STK32A: variants seen among roughly 807,000 people sequenced by gnomAD.
STK32A encodes serine/threonine-protein kinase 32A.
STK32A carries 41 observed loss-of-function variants against 53.2 expected under a neutral mutation model. That is an observed-to-expected ratio of 0.77 (90% CI 0.60 to 1.00). The LOEUF (loss-of-function observed/expected upper bound fraction) is 1.00, where lower values mean the gene tolerates loss of function less well. STK32A is among the 50% of genes least tolerant of loss of function. The pLI is 0.00. For missense variants in STK32A, 458 were observed against 485.8 expected (o/e 0.94, Z 0.54); for synonymous variants, 166 against 162.8 (o/e 1.02, Z -0.15).
chr5:147,236,024 T>A (rs1257789894), intron 1 of STK32A, among the ~76,000 whole-genome samples: 2 of 152,158 alleles, frequency 1.3e-5, no homozygotes, highest in Non-Finnish European at 2.9e-5. Flanking sequence ...CAAAATAAGT[T>A]GTGTCTATGC....
intron 4 of STK32A, among the ~76,000 whole-genome samples, chr5:147,287,378 GA>G (rs1215623132): frequency 1.3e-5 from 2 of 151,256 alleles, no homozygotes; most frequent in East Asian, 1.9e-4. Flanking sequence ...TACCAGCAAA[GA>G]AAAAAAAGGG....
At chr5:147,357,326 G>C (rs1756293444) in intron 7 of STK32A, among the ~76,000 whole-genome samples, 1 of 151,812 alleles carries the variant, frequency 6.6e-6, no homozygotes, top group African/African-American at 2.4e-5. Context: ...TCCCAAAAAA[G>C]GTAGGTAAAA....
downstream of STK32A, chr5:147,390,836 C>G (rs908673517): frequency 1.3e-5 from 2 of 152,522 alleles, no homozygotes; most frequent in African/African-American, 4.8e-5. Flanking sequence ...TTTTAATAAC[C>G]AGGTTTACAT....
At chr5:147,397,535 G>T in the STK32A span, 1 of 1,012,462 alleles carries the variant, frequency 9.9e-7, no homozygotes. Flanking sequence ...GTTGTTCTTG[G>T]GGACAAGACT....
intron 2 of STK32A, among the ~76,000 whole-genome samples, chr5:147,249,738 C>T (rs902222796): frequency 6.6e-6 from 1 of 151,536 alleles, no homozygotes; most frequent in Non-Finnish European, 1.5e-5. Context: ...CATGGTGAAA[C>T]CTTGACTCTA....
At chr5:147,270,953 C>G (rs1257392619) in intron 2 of STK32A, among the ~76,000 whole-genome samples, 1 of 151,960 alleles carries the variant, frequency 6.6e-6, no homozygotes, top group African/African-American at 2.4e-5. Flanking sequence ...TAAACAGACA[C>G]AGAAGCCCAT....
chr5:147,254,956 G>T (rs900070321), intron 2 of STK32A, among the ~76,000 whole-genome samples: 1 of 152,126 alleles, frequency 6.6e-6, no homozygotes, highest in African/African-American at 2.4e-5. Flanking sequence ...TGGCTAACAC[G>T]GTGAAACCCC....
the STK32A span, chr5:147,399,263 A>G: frequency 5.6e-6 from 9 of 1,612,836 alleles, no homozygotes; most frequent in African/African-American, 8.0e-5. Flanking sequence ...CTATTGAAAT[A>G]TAAGAAATTA....
Position 147,279,233 on chromosome 5 carries a change from G to A in STK32A, c.109-14G>A, listed in dbSNP as rs1404855870. On this transcript the variant is annotated splice_polypyrimidine_tract_variant and intron_variant, in intron 3 of 12. Transcript: ENST00000397936. Reference sequence around the variant, plus strand: ...TCTCCCTAATCACTCTCTCACTCGGGTTTTCACCATTAGGTCTGCATTGTA... The same window carrying A: ...TCTCCCTAATCACTCTCTCACTCGGATTTTCACCATTAGGTCTGCATTGTA... The A allele has an allele frequency of 1.2e-6, 2 of 1,600,872 alleles. No homozygotes were observed. Among genetic ancestry groups the A allele is most frequent in the South Asian group, 2.2e-5 (2 of 89,290 alleles).
At chr5:147,383,865 TC>T in intron 12 of STK32A, 24 bp from the exon 13 acceptor site, 1 of 1,423,510 alleles carries the variant, frequency 7.0e-7, no homozygotes, top group Non-Finnish European at 9.6e-7. Flanking sequence ...GAATAAAACA[TC>T]TTTTTTTTTC....
At chr5:147,245,255 T>C (rs1209880923) in intron 2 of STK32A, among the ~76,000 whole-genome samples, 6 of 152,214 alleles carry the variant, frequency 3.9e-5, no homozygotes, top group Admixed American at 3.9e-4. Context: ...TAATAAGTAA[T>C]CCCATTTGAT....
At chr5:147,235,593 C>T (rs534348214) in intron 1 of STK32A, among the ~76,000 whole-genome samples, 150 of 152,346 alleles carry the variant, frequency 9.8e-4, no homozygotes, top group African/African-American at 3.5e-3. Flanking sequence ...CTATGCAGCA[C>T]TTAAAAAGCT....
intron 3 of STK32A, 37 bp from the exon 4 acceptor site, chr5:147,279,210 T>C: frequency 1.3e-6 from 2 of 1,573,232 alleles, no homozygotes; most frequent in Non-Finnish European, 8.7e-7. Context: ...ATCCATTATC[T>C]CCCTAATCAC....
rs1478884470 is a variant in STK32A, at chr5:147,256,825, T to C, written c.52+17139T>C. ...CCGAGCCTGACCTGTTTTAAGTCTT[T>C]AGTTTTTACAATAGCTATCTTGGTC... is the stretch of plus-strand genomic sequence containing the variant. On this transcript the variant is annotated intron_variant, in intron 2 of 12. Transcript: ENST00000397936. Among the ~76,000 whole-genome samples the C allele has an allele frequency of 2.0e-5, 3 of 152,258 alleles. No individual in the cohort carries two copies. The East Asian group carries it at 5.8e-4, about 29-fold the overall frequency.
At chr5:147,260,092 TCTC>T (rs1754449615) in intron 2 of STK32A, among the ~76,000 whole-genome samples, 1 of 70,008 alleles carries the variant, frequency 1.4e-5, no homozygotes, top group Admixed American at 1.7e-4. Context: ...CTCTCCTCTG[TCTC>T]TGTCTCTGTC....
intron 8 of STK32A, among the ~76,000 whole-genome samples, chr5:147,366,060 TAC>T (rs1185506757): frequency 6.6e-6 from 1 of 151,668 alleles, no homozygotes; most frequent in East Asian, 1.9e-4. Context: ...CACATACACA[TAC>T]ACACCCTTCA....
At chr5:147,380,017 G>A (rs1757390830) in intron 11 of STK32A, among the ~76,000 whole-genome samples, 1 of 152,032 alleles carries the variant, frequency 6.6e-6, no homozygotes, top group Admixed American at 6.6e-5. Context: ...AGTTGAACAT[G>A]AACCCTTTAA....
At chr5:147,241,327 A>G (rs565168459) in intron 2 of STK32A, among the ~76,000 whole-genome samples, 5 of 152,222 alleles carry the variant, frequency 3.3e-5, no homozygotes, top group Admixed American at 1.3e-4. Context: ...AAAATACAAA[A>G]AATTAGCCGG....
intron 2 of STK32A, among the ~76,000 whole-genome samples, chr5:147,245,075 T>C (rs1320787085): frequency 1.3e-5 from 2 of 152,222 alleles, no homozygotes; most frequent in Admixed American, 6.5e-5. Context: ...AAAACCTATA[T>C]AAAAACACTT....
Sources: gnomAD v4.1 joint callset for allele counts (sites outside exome capture counted in the v4.1 genomes callset) on GRCh38, gnomAD v4.1.1 for gene constraint, MANE v1.5 for transcripts, NCBI Gene and HGNC (gene_info 2026-07-23, HGNC 2026-07-21) for gene names.